ADGB: variants seen among roughly 807,000 people sequenced by gnomAD.
ADGB encodes androglobin.
Under a neutral mutation model 210.5 loss-of-function variants are expected in ADGB, and 172 were observed. The ratio of observed to expected loss-of-function variants is 0.82; its 90% CI spans 0.72 to 0.93. The LOEUF is 0.93. Among genes scored for constraint, ADGB ranks in the 40% least tolerant of loss-of-function variants. The pLI is 0.00. For synonymous variants in ADGB, 658 were observed against 662.7 expected, an observed-to-expected ratio of 0.99 and a Z score of 0.11; for missense variants, 2,025 against 1,964.8, an observed-to-expected ratio of 1.03 and a Z score of -0.58.
chr6:146,729,357 A>T (rs1776946293), intron 20 of ADGB, among the ~76,000 whole-genome samples: 1 of 152,172 alleles, frequency 6.6e-6, no homozygotes, highest in Non-Finnish European at 1.5e-5. Context: ...ATTTAGAAAG[A>T]TTTGTATTAG....
chr6:146,612,393 T>G (rs1292297000), intron 1 of ADGB, among the ~76,000 whole-genome samples: 2 of 152,236 alleles, frequency 1.3e-5, no homozygotes, highest in Non-Finnish European at 2.9e-5. Context: ...CTCTCCCAGC[T>G]GTATACACAC....
chr6:146,647,018 G>A (rs1775625416), intron 3 of ADGB, among the ~76,000 whole-genome samples: 1 of 150,500 alleles, frequency 6.6e-6, no homozygotes, highest in Non-Finnish European at 1.5e-5. Flanking sequence ...GAACCTGGGA[G>A]GTAGAATTTT....
intron 14 of ADGB, 66 bp from the exon 15 acceptor site, chr6:146,716,817 A>G: frequency 7.2e-7 from 1 of 1,388,494 alleles, no homozygotes; most frequent in Non-Finnish European, 9.6e-7. Context: ...TCCCTTTATC[A>G]TTTTACATAT....
chr6:146,710,531 G>A (rs1776643843), intron 13 of ADGB, among the ~76,000 whole-genome samples: 1 of 151,960 alleles, frequency 6.6e-6, no homozygotes, highest in South Asian at 2.1e-4. Flanking sequence ...TCTTTAATTG[G>A]TTTGGCTCTT....
Position 146,672,474 on chromosome 6 carries a change from T to A in ADGB, c.1087+7T>A. ...AGCGACAAAGTTCCAAAGGGTAAGA[T>A]ATTTTACATCAAAATGTGATTCAGT... is the stretch of plus-strand genomic sequence containing the variant. On this transcript the variant is annotated splice_region_variant and intron_variant, in intron 8 of 35. Coordinates refer to ENST00000397944, the MANE Select transcript of ADGB (RefSeq NM_024694.4). 6.5e-7 allele frequency: 1 copy of A among 1,526,864 alleles called. No homozygotes were observed. The highest frequency in any genetic ancestry group is 2.5e-5 in the East Asian group (1 of 40,752). The allele number at this position is 1,526,864 out of a possible 1,614,324, so 94.6% of individuals were successfully genotyped here.
At chr6:146,666,033 A>C (rs1775933372) in intron 6 of ADGB, among the ~76,000 whole-genome samples, 1 of 152,040 alleles carries the variant, frequency 6.6e-6, no homozygotes, top group African/African-American at 2.4e-5. Flanking sequence ...GTAATCCATA[A>C]ACAACAAAAC....
intron 10 of ADGB, among the ~76,000 whole-genome samples, chr6:146,688,819 G>A (rs975552610): frequency 1.3e-5 from 2 of 152,090 alleles, no homozygotes; most frequent in African/African-American, 2.4e-5. Context: ...AACAATTTCT[G>A]TCTTAATGAA....
chr6:146,803,859 C>A (rs1562305837), intron 35 of ADGB: 1 of 365,056 alleles, frequency 2.7e-6, no homozygotes, highest in Non-Finnish European at 4.9e-6. Flanking sequence ...GCGCGGCCTG[C>A]CGGGATAGCT....
At chr6:146,690,825 G>T (rs143593815) in intron 10 of ADGB, among the ~76,000 whole-genome samples, 1 of 152,088 alleles carries the variant, frequency 6.6e-6, no homozygotes, top group Non-Finnish European at 1.5e-5. Context: ...TGGACTAACT[G>T]GTGTGCTAAG....
intron 9 of ADGB, among the ~76,000 whole-genome samples, chr6:146,679,358 G>A (rs898546832): frequency 3.3e-5 from 5 of 151,950 alleles, no homozygotes; most frequent in Admixed American, 2.6e-4. Context: ...AAATATCCAG[G>A]ATCTCCAAGT....
chr6:146,665,017 T>C (rs1257107392), intron 6 of ADGB, among the ~76,000 whole-genome samples: 2 of 152,074 alleles, frequency 1.3e-5, no homozygotes, highest in African/African-American at 2.4e-5. Context: ...GATGATCGTG[T>C]TGGAAATGCA....
intron 1 of ADGB, among the ~76,000 whole-genome samples, chr6:146,607,308 T>C (rs953794551): frequency 3.3e-5 from 5 of 152,138 alleles, no homozygotes; most frequent in African/African-American, 1.2e-4. Context: ...GGCTTTAGAG[T>C]TTACTATGTA....
chr6:146,769,202 AATTG>A (rs1777618942), intron 29 of ADGB, 71 bp downstream of exon 29: 1 of 733,378 alleles, frequency 1.4e-6, no homozygotes, highest in African/African-American at 1.7e-5. Context: ...TTTAATAATA[AATTG>A]ATTTAGTCAT....
intron 12 of ADGB, among the ~76,000 whole-genome samples, chr6:146,696,083 T>TC (rs1033796708): frequency 6.6e-6 from 1 of 152,072 alleles, no homozygotes; most frequent in Non-Finnish European, 1.5e-5. Context: ...AATACTTTTT[T>TC]TTTTTTTTCC....
chr6:146,768,648 C>A (rs375912730), intron 28 of ADGB, among the ~76,000 whole-genome samples: 269 of 152,176 alleles, frequency 1.8e-3, no homozygotes, highest in African/African-American at 6.3e-3. Context: ...ATGTAGGAGA[C>A]TATTTTTTTC....
At chr6:146,737,176 T>A (rs148211496) in intron 23 of ADGB, among the ~76,000 whole-genome samples, 1 of 151,570 alleles carries the variant, frequency 6.6e-6, no homozygotes. Flanking sequence ...ATGACTGTTA[T>A]GAAAATGAGC....
chr6:146,790,786 G>A (rs1777944348), intron 33 of ADGB, among the ~76,000 whole-genome samples: 1 of 152,124 alleles, frequency 6.6e-6, no homozygotes, highest in Non-Finnish European at 1.5e-5. Flanking sequence ...CAAATGGCTT[G>A]TAATAATTCC....
chr6:146,641,239 A>G (rs185763378), intron 2 of ADGB, among the ~76,000 whole-genome samples: 1 of 152,072 alleles, frequency 6.6e-6, no homozygotes, highest in East Asian at 1.9e-4. Context: ...GCAGAACTAC[A>G]AAACTGCTCA....
chr6:146,810,200 T>C (rs1778284250), intron 35 of ADGB, among the ~76,000 whole-genome samples: 1 of 152,188 alleles, frequency 6.6e-6, no homozygotes, highest in Admixed American at 6.5e-5. Flanking sequence ...AACAGGTATA[T>C]GCAAAGGTAC....
Sources: allele counts gnomAD v4.1 joint callset (sites outside exome capture counted in the v4.1 genomes callset), GRCh38; gene constraint gnomAD v4.1.1; transcripts MANE v1.5; gene names NCBI Gene and HGNC (gene_info 2026-07-23, HGNC 2026-07-21).